WDR25: variants seen among roughly 807,000 people sequenced by gnomAD.
The protein encoded by WDR25 is WD repeat-containing protein 25.
Under a neutral mutation model 47.7 loss-of-function variants are expected in WDR25, and 35 were observed. The ratio of observed to expected loss-of-function variants is 0.73; its 90% confidence interval spans 0.56 to 0.97. The LOEUF is 0.97. WDR25 is among the 50% of genes least tolerant of loss of function. The pLI is 0.00. For missense variants in WDR25, 634 were observed against 704.7 expected (o/e 0.90, Z 1.14); for synonymous variants, 248 against 278.9 (o/e 0.89, Z 1.10).
intron 2 of WDR25, among the ~76,000 whole-genome samples, chr14:100,436,469 C>A (rs1898502639): frequency 6.6e-6 from 1 of 152,206 alleles, no homozygotes; most frequent in African/African-American, 2.4e-5. Context: ...TCACATTGAG[C>A]TTACATGTTT....
In WDR25 at chr14:100,502,608, G is replaced by A. The variant is rs1457772894; in HGVS notation, c.1101+18484G>A. ...ATTAGGGGTCCTATAGACACTTGCT[G>A]AATTAACCACTGCATGGCCAAGTGG... On this transcript the variant is annotated intron_variant, in intron 4 of 6. Coordinates refer to ENST00000402312, the MANE Select transcript of WDR25 (RefSeq NM_001161476.3). This position sits in a 1 kb window ranked among gnomAD's most constrained non-coding sequence, Gnocchi z 4.5. 6.6e-6 allele frequency among the ~76,000 whole-genome samples: 1 copy of A among 152,200 alleles called. No individual in the cohort carries two copies. Among genetic ancestry groups the A allele is most frequent in the Non-Finnish European group, 1.5e-5 (1 of 68,036 alleles).
At chr14:100,514,962 A>AT (rs1448132276) in intron 4 of WDR25, among the ~76,000 whole-genome samples, 1 of 152,158 alleles carries the variant, frequency 6.6e-6, no homozygotes, top group Non-Finnish European at 1.5e-5. Flanking sequence ...TCTAAAAGAT[A>AT]TTTATGCTAG....
chr14:100,480,949 G>A, intron 3 of WDR25: 1 of 406,248 alleles, frequency 2.5e-6, no homozygotes, highest in Non-Finnish European at 4.9e-6. Context: ...CCATTGCCAG[G>A]ATACCCAAGA....
rs142968210 is a variant in WDR25, at chr14:100,492,135, C to T, written c.1101+8011C>T. Among the ~76,000 whole-genome samples the T allele has an allele frequency of 2.0e-3, 304 of 152,320 alleles. 2 individuals carry two copies. Among genetic ancestry groups the T allele is most frequent in the Non-Finnish European group, 3.2e-3 (218 of 68,020 alleles). On this transcript the variant is annotated intron_variant, in intron 4 of 6. Coordinates refer to ENST00000402312, the MANE Select transcript of WDR25 (RefSeq NM_001161476.3). ...CAAAATCCAGTTAGATGGCGCATGC[C>T]CTAAAGCTGTAGAAGGGACTGCTGA...
At chr14:100,493,624 A>T (rs183682329) in intron 4 of WDR25, among the ~76,000 whole-genome samples, 13 of 152,338 alleles carry the variant, frequency 8.5e-5, no homozygotes, top group Admixed American at 3.3e-4. Flanking sequence ...GTGAACCCAC[A>T]GTGACACATC....
chr14:100,436,832 A>C (rs1022369783), intron 2 of WDR25, among the ~76,000 whole-genome samples: 1 of 152,204 alleles, frequency 6.6e-6, no homozygotes, highest in Non-Finnish European at 1.5e-5. Context: ...TGGAGGGTAC[A>C]TGCGCACCCC....
intron 2 of WDR25, among the ~76,000 whole-genome samples, chr14:100,436,024 A>G (rs749304466): frequency 7.2e-5 from 11 of 152,264 alleles, no homozygotes; most frequent in Non-Finnish European, 8.8e-5. Context: ...CTTCTCTGTA[A>G]TGGGGAAGGA....
Position 100,506,671 on chromosome 14 carries a change from T to C in WDR25, c.1102-19199T>C, listed in dbSNP as rs1372741470. 1.3e-5 allele frequency among the ~76,000 whole-genome samples: 2 copies of C among 152,200 alleles called. No individual in the cohort carries two copies. Among genetic ancestry groups the C allele is most frequent in the African/African-American group, 4.8e-5 (2 of 41,456 alleles). Reference sequence around the variant, plus strand: ...TGCATTTCTCTGCTGACTAGTGATGTTGAACATTTTTTCATATTTGCTGGC... The same window carrying C: ...TGCATTTCTCTGCTGACTAGTGATGCTGAACATTTTTTCATATTTGCTGGC... On this transcript the variant is annotated intron_variant, in intron 4 of 6. Transcript: ENST00000402312. This position sits in a 1 kb window ranked among gnomAD's most constrained non-coding sequence, Gnocchi z 4.8.
chr14:100,529,854 C>T lies in WDR25; in HGVS notation c.1448C>T (p.Pro483Leu). ...EGYSVGCECS[P>L]GGDLLVTGSA... is the part of the protein sequence containing the mutation. Reference sequence around the variant, plus strand: ...TACTCAGTGGGCTGCGAGTGCTCCCCAGGCGGTGACTTGCTGGTGACGGGC... The same window carrying T: ...TACTCAGTGGGCTGCGAGTGCTCCCTAGGCGGTGACTTGCTGGTGACGGGC... Residue 483 changes from proline to leucine, a missense_variant, in exon 7 of 7, where the codon CCA becomes CTA. By Grantham distance (98) the Pro-to-Leu change is moderately conservative. Transcript: ENST00000402312. The surrounding 1 kb of genome is among the most constrained non-coding windows in gnomAD (Gnocchi z 5.1). The T allele has an allele frequency of 6.2e-7, 1 of 1,613,008 alleles. No individual in the cohort carries two copies. The highest frequency in any genetic ancestry group is 8.5e-7 in the Non-Finnish European group (1 of 1,179,998).
At chr14:100,497,912 G>C (rs953295864) in intron 4 of WDR25, among the ~76,000 whole-genome samples, 4 of 152,070 alleles carry the variant, frequency 2.6e-5, no homozygotes, top group Non-Finnish European at 4.4e-5. Context: ...GCCCTGTGAG[G>C]GCTGGGAGAC....
At chr14:100,403,160 A>AT (rs1566892501) in intron 2 of WDR25, among the ~76,000 whole-genome samples, 1 of 152,162 alleles carries the variant, frequency 6.6e-6, no homozygotes, top group Non-Finnish European at 1.5e-5. Flanking sequence ...TTGAAAACTG[A>AT]TTTTTTAAGA....
At position 100,422,630 on chromosome 14, in the gene WDR25, G is replaced by A. The variant is rs531971562; in HGVS notation, c.822+40884G>A. Among the ~76,000 whole-genome samples the A allele has an allele frequency of 2.0e-4, 31 of 152,266 alleles. No homozygotes were observed. The South Asian group carries it at 6.2e-3, about 31-fold the overall frequency. On this transcript the variant is annotated intron_variant, in intron 2 of 6. Coordinates refer to ENST00000402312, the MANE Select transcript of WDR25 (RefSeq NM_001161476.3). ...CCTTCATGATGGCCCTCTTTGACGC[G>A]ACCACATGTTGCCAGCTTCCCCTCC...
chr14:100,497,530 A>G (rs1034278442), intron 4 of WDR25, among the ~76,000 whole-genome samples: 2 of 152,314 alleles, frequency 1.3e-5, no homozygotes, highest in Admixed American at 6.5e-5. Context: ...CCACCTCTGT[A>G]CTAGTCACTT....
At chr14:100,501,766 G>T (rs1316650387) in intron 4 of WDR25, among the ~76,000 whole-genome samples, 1 of 152,204 alleles carries the variant, frequency 6.6e-6, no homozygotes, top group Admixed American at 6.5e-5. Context: ...GACAGAGGAA[G>T]GTACAGCTCA....
intron 4 of WDR25, among the ~76,000 whole-genome samples, chr14:100,516,144 G>A (rs541761382): frequency 1.3e-5 from 2 of 152,200 alleles, no homozygotes; most frequent in East Asian, 1.9e-4. Flanking sequence ...GGATGCGGTT[G>A]TATTGCTTGA....
intron 2 of WDR25, among the ~76,000 whole-genome samples, chr14:100,445,469 A>AG (rs397761950): frequency 6.7e-6 from 1 of 150,240 alleles, no homozygotes; most frequent in Non-Finnish European, 1.5e-5. Context: ...TTATCATAAA[A>AG]CTCACACCAA....
intron 4 of WDR25, among the ~76,000 whole-genome samples, chr14:100,508,797 A>T (rs1253930254): frequency 6.6e-6 from 1 of 152,152 alleles, no homozygotes; most frequent in Admixed American, 6.5e-5. Flanking sequence ...TCTTAGTTGT[A>T]TGAATTTTTT....
At chr14:100,501,417 C>T (rs1196177684) in intron 4 of WDR25, among the ~76,000 whole-genome samples, 1 of 152,134 alleles carries the variant, frequency 6.6e-6, no homozygotes, top group African/African-American at 2.4e-5. Context: ...AAAAGTGGAG[C>T]AGAGATTGTA....
intron 4 of WDR25, among the ~76,000 whole-genome samples, chr14:100,491,303 G>A (rs1216122874): frequency 6.6e-6 from 1 of 152,208 alleles, no homozygotes; most frequent in Non-Finnish European, 1.5e-5. Context: ...TGTGAACTGG[G>A]GGTGGTTTGA....
Sources: allele counts gnomAD v4.1 joint callset (sites outside exome capture counted in the v4.1 genomes callset), GRCh38; gene constraint gnomAD v4.1.1; non-coding constraint Gnocchi (gnomAD v3.1); transcripts MANE v1.5; gene names NCBI Gene and HGNC (gene_info 2026-07-23, HGNC 2026-07-21).